The following DPT variants were observed in gnomAD, a reference collection of about 807,000 sequenced individuals.
DPT encodes the protein dermatopontin.
Under a neutral mutation model 31.2 loss-of-function variants are expected in DPT, and 21 were observed. The observed-to-expected ratio is 0.67, with a 90% CI of 0.48 to 0.97. The LOEUF (loss-of-function observed/expected upper bound fraction) is 0.97, where lower values mean the gene tolerates loss of function less well. Among genes scored for constraint, DPT ranks in the 50% least tolerant of loss-of-function variants. The probability of loss-of-function intolerance (pLI) is 0.00; values close to 1 mark genes in which losing one functional copy is unlikely to be tolerated. For missense variants in DPT, 262 were observed against 258.8 expected (o/e 1.01, Z -0.08); for synonymous variants, 91 against 86.9 (o/e 1.05, Z -0.26).
intron 3 of DPT, among the ~76,000 whole-genome samples, chr1:168,697,190 G>C (rs1557844780): frequency 6.6e-6 from 1 of 152,066 alleles, no homozygotes; most frequent in Non-Finnish European, 1.5e-5. Flanking sequence ...CTGGAGTCCG[G>C]GAGGTTGAAG....
At position 168,716,672 on chromosome 1, in the gene DPT, A is replaced by C. The variant is rs567854342; in HGVS notation, c.306-2326T>G. 7.9e-5 allele frequency among the ~76,000 whole-genome samples: 12 copies of C among 152,258 alleles called. No individual in the cohort carries two copies. The South Asian group carries it at 2.5e-3, about 32-fold the overall frequency. Reference sequence around the variant, plus strand: ...CATCTAGGTTTTAAGGCCCGCATGCATTAGCTATTTGTCCTAATGCTCTCC... The same window carrying C: ...CATCTAGGTTTTAAGGCCCGCATGCCTTAGCTATTTGTCCTAATGCTCTCC... On this transcript the variant is annotated intron_variant, in intron 1 of 3. Transcript: ENST00000367817.
chr1:168,697,981 A>T (rs963559349), intron 3 of DPT, among the ~76,000 whole-genome samples: 1 of 152,222 alleles, frequency 6.6e-6, no homozygotes, highest in Non-Finnish European at 1.5e-5. Flanking sequence ...GAGTTTTTCC[A>T]TATTTAATTA....
intron 2 of DPT, among the ~76,000 whole-genome samples, chr1:168,708,182 T>C (rs1389338443): frequency 2.6e-5 from 4 of 151,716 alleles, no homozygotes; most frequent in African/African-American, 9.8e-5. Flanking sequence ...TTTATTGTTG[T>C]ATTGTTATTT....
At chr1:168,705,417 C>G (rs1332949534) in intron 2 of DPT, among the ~76,000 whole-genome samples, 3 of 152,180 alleles carry the variant, frequency 2.0e-5, no homozygotes, top group Non-Finnish European at 4.4e-5. Context: ...TATCCCCAAC[C>G]TTGGCCCACT....
intron 1 of DPT, among the ~76,000 whole-genome samples, chr1:168,726,344 C>G (rs770420605): frequency 6.6e-6 from 1 of 152,238 alleles, no homozygotes; most frequent in Non-Finnish European, 1.5e-5. Context: ...TCATGACAAA[C>G]CAGTCACAGT....
At chr1:168,702,414 C>T (rs1189706317) in intron 2 of DPT, among the ~76,000 whole-genome samples, 2 of 152,124 alleles carry the variant, frequency 1.3e-5, no homozygotes, top group East Asian at 3.9e-4. Flanking sequence ...ACCCATTATT[C>T]ACTAACCCTT....
At chr1:168,709,931 A>G (rs1367570510) in intron 2 of DPT, among the ~76,000 whole-genome samples, 2 of 152,158 alleles carry the variant, frequency 1.3e-5, no homozygotes, top group East Asian at 3.8e-4. Context: ...CAACTATAAA[A>G]CATCATCACA....
intron 2 of DPT, among the ~76,000 whole-genome samples, chr1:168,703,955 T>A (rs1649660051): frequency 6.6e-6 from 1 of 152,126 alleles, no homozygotes; most frequent in Non-Finnish European, 1.5e-5. Context: ...GCGCACAAAG[T>A]GTCCTAATAA....
At chr1:168,716,780 C>G (rs1057019024) in intron 1 of DPT, among the ~76,000 whole-genome samples, 2 of 152,186 alleles carry the variant, frequency 1.3e-5, no homozygotes, top group Non-Finnish European at 2.9e-5. Context: ...GTTCAACTTC[C>G]ACTTATGAGT....
rs546237056 is a variant in DPT, at chr1:168,717,325, A to T, written c.306-2979T>A. 3.9e-5 allele frequency among the ~76,000 whole-genome samples: 6 copies of T among 152,050 alleles called. No homozygotes were observed. The South Asian group carries it at 1.2e-3, about 31-fold the overall frequency. ...GATCAGTGAGGTTGAGCTTTTTTTC[A>T]TATGTTTGTTGGCCACATAAATGTC... is the stretch of plus-strand genomic sequence containing the variant. On this transcript the variant is annotated intron_variant, in intron 1 of 3. Coordinates refer to ENST00000367817, the MANE Select transcript of DPT (RefSeq NM_001937.5).
chr1:168,725,647 T>C (rs773815591), intron 1 of DPT, among the ~76,000 whole-genome samples: 2 of 152,090 alleles, frequency 1.3e-5, no homozygotes, highest in Non-Finnish European at 2.9e-5. Context: ...GAGACCATCA[T>C]CCAAACTTCA....
intron 1 of DPT, among the ~76,000 whole-genome samples, chr1:168,727,439 C>T (rs1430365522): frequency 6.6e-6 from 1 of 152,172 alleles, no homozygotes; most frequent in Non-Finnish European, 1.5e-5. Context: ...TCTTTCCTGG[C>T]TCCCCCACCC....
chr1:168,711,222 A>G (rs928165279), intron 2 of DPT, among the ~76,000 whole-genome samples: 2 of 150,038 alleles, frequency 1.3e-5, no homozygotes, highest in Non-Finnish European at 3.0e-5. Flanking sequence ...GGGTTTCATC[A>G]TGTTAGCCAG....
At chr1:168,714,415 C>T in intron 1 of DPT, 69 bp from the exon 2 acceptor site, 2 of 1,591,136 alleles carry the variant, frequency 1.3e-6, no homozygotes, top group Non-Finnish European at 1.7e-6. Context: ...CAAGACCCCA[C>T]TGCCACAGTT....
At chr1:168,722,112 C>T (rs570261656) in intron 1 of DPT, among the ~76,000 whole-genome samples, 1 of 152,138 alleles carries the variant, frequency 6.6e-6, no homozygotes, top group Non-Finnish European at 1.5e-5. Flanking sequence ...TTGTGAGATG[C>T]ATTTATGTCC....
intron 2 of DPT, among the ~76,000 whole-genome samples, chr1:168,705,483 A>G (rs999606437): frequency 6.6e-6 from 1 of 152,210 alleles, no homozygotes; most frequent in Non-Finnish European, 1.5e-5. Context: ...AAAACTGGAA[A>G]AAAACCCCAG....
chr1:168,727,929 C>T (rs1182483989), intron 1 of DPT, among the ~76,000 whole-genome samples: 4 of 152,128 alleles, frequency 2.6e-5, no homozygotes, highest in Admixed American at 2.0e-4. Context: ...ATGCAGCAGC[C>T]CTCCAGGTGG....
In DPT at chr1:168,696,493, G is replaced by C; in HGVS notation, c.*56C>G. The C allele has an allele frequency of 6.9e-7, 1 of 1,445,260 alleles. No individual in the cohort carries two copies. Among genetic ancestry groups the C allele is most frequent in the Non-Finnish European group, 9.5e-7 (1 of 1,054,842 alleles). 89.5% of individuals were successfully genotyped at this position (1,445,260 alleles called of 1,614,324 possible). A position where few individuals can be genotyped will look rare whatever the true frequency, so the allele number is the denominator to read the frequency against. On this transcript the variant is annotated 3_prime_UTR_variant, in exon 4 of 4. Coordinates refer to ENST00000367817, the MANE Select transcript of DPT (RefSeq NM_001937.5). ...GATCCAACTGATGTTAACATATGTG[G>C]ACACCCTCCTGTCCCCGGCCCCTTT...
At chr1:168,703,943 A>G (rs1156302759) in intron 2 of DPT, among the ~76,000 whole-genome samples, 6 of 152,182 alleles carry the variant, frequency 3.9e-5, no homozygotes, top group Admixed American at 2.6e-4. Flanking sequence ...ACACACACAC[A>G]CGCGCACAAA....
Sources: allele counts gnomAD v4.1 joint callset (sites outside exome capture counted in the v4.1 genomes callset), GRCh38; gene constraint gnomAD v4.1.1; transcripts MANE v1.5; gene names NCBI Gene and HGNC (gene_info 2026-07-23, HGNC 2026-07-21).